PIEZO1: variants seen among roughly 807,000 people sequenced by gnomAD.
PIEZO1 encodes the protein piezo type mechanosensitive ion channel component 1 (Er blood group), also known as piezo-type mechanosensitive ion channel component 1.
A neutral mutation model predicts 297.2 loss-of-function variants in PIEZO1; 296 were observed. That is an observed-to-expected ratio of 1.00 (90% CI 0.91 to 1.10). The LOEUF (loss-of-function observed/expected upper bound fraction) is 1.10. PIEZO1 is among the 50% of genes least tolerant of loss of function. The pLI, the probability that PIEZO1 is intolerant of heterozygous loss-of-function variation, is 0.00. For missense variants in PIEZO1, 5,018 were observed against 3,455.5 expected (o/e 1.45, Z -11.34); for synonymous variants, 2,427 against 1,507.5 (o/e 1.61, Z -14.13).
rs181039199 is a variant in PIEZO1 at position 88,752,267 on chromosome 16, G to C, written c.65-2788C>G. On this transcript the variant is annotated intron_variant, in intron 1 of 50. Coordinates refer to ENST00000301015, the MANE Select transcript of PIEZO1 (RefSeq NM_001142864.4). ...GGAGGCCAAGGCAGGCGGATCACTTGAGCCCAGGAGTTCGAGACCAGACCA... is the reference window on the plus strand; with the variant it reads ...GGAGGCCAAGGCAGGCGGATCACTTCAGCCCAGGAGTTCGAGACCAGACCA... Among the ~76,000 whole-genome samples the C allele has an allele frequency of 8.9e-3, 1,355 of 152,302 alleles. 8 individuals are homozygous for C. The highest frequency in any genetic ancestry group is 0.014 in the Middle Eastern group (4 of 294).
At chr16:88,746,896 C>A (rs1158523626) in intron 2 of PIEZO1, among the ~76,000 whole-genome samples, 1 of 152,230 alleles carries the variant, frequency 6.6e-6, no homozygotes, top group East Asian at 1.9e-4. Context: ...ACAGAACCGG[C>A]TCCACAGAGC....
chr16:88,773,194 TG>T (rs911224897), intron 1 of PIEZO1, among the ~76,000 whole-genome samples: 11 of 152,230 alleles, frequency 7.2e-5, no homozygotes, highest in African/African-American at 2.4e-4. Context: ...CCTCCCCCTC[TG>T]GCCCCCCAGT....
intron 1 of PIEZO1, among the ~76,000 whole-genome samples, chr16:88,778,692 A>C (rs1458366908): frequency 6.6e-6 from 1 of 152,198 alleles, no homozygotes; most frequent in Non-Finnish European, 1.5e-5. Flanking sequence ...ACCCGCACAC[A>C]GGAAGGGTCC....
At chr16:88,779,769 C>T (rs985682475) in intron 1 of PIEZO1, among the ~76,000 whole-genome samples, 3 of 152,240 alleles carry the variant, frequency 2.0e-5, no homozygotes, top group African/African-American at 4.8e-5. Context: ...CGGGACCAGG[C>T]GGTGAGTGGC....
chr16:88,775,881 G>A (rs1198226084), intron 1 of PIEZO1, among the ~76,000 whole-genome samples: 5 of 152,310 alleles, frequency 3.3e-5, no homozygotes, highest in African/African-American at 1.2e-4. Context: ...TGGGAGACTT[G>A]AGGAGACTCC....
intron 2 of PIEZO1, among the ~76,000 whole-genome samples, chr16:88,746,872 G>A (rs1597469540): frequency 6.6e-6 from 1 of 152,330 alleles, no homozygotes; most frequent in East Asian, 1.9e-4. Context: ...GAAACGCCAG[G>A]GGCCTGGGAA....
chr16:88,748,692 A>C (rs555753386), intron 2 of PIEZO1, among the ~76,000 whole-genome samples: 57 of 152,184 alleles, frequency 3.7e-4, no homozygotes, highest in African/African-American at 1.3e-3. Flanking sequence ...CTCCACCCCC[A>C]TGACCCTCCT....
At chr16:88,719,465 C>A (rs2142758291) in intron 44 of PIEZO1, 109 bp downstream of exon 44, 1 of 1,083,652 alleles carries the variant, frequency 9.2e-7, no homozygotes, top group African/African-American at 1.6e-5. Context: ...GGGCTCCGAG[C>A]CCTGGGAGGG....
In PIEZO1 at chr16:88,731,872, G is replaced by A. The variant is rs1416883000; in HGVS notation, c.3030C>T (p.Arg1010=). 4 of 1,164,684 alleles carry A rather than the reference G, an allele frequency of 3.4e-6. No individual in the cohort carries two copies. The highest frequency in any genetic ancestry group is 4.3e-6 in the Non-Finnish European group (4 of 925,942). 72.1% of individuals were successfully genotyped at this position (1,164,684 alleles called of 1,614,324 possible). Residue 1010 remains arginine, a synonymous_variant, in exon 22 of 51, where the codon CGC becomes CGT. Transcript: ENST00000301015. ...CGTGCAGGGTCACCAGAAAGTTCATGCGCTGCCCGATCACGTTCACGGCCA... is the reference window on the plus strand; with the variant it reads ...CGTGCAGGGTCACCAGAAAGTTCATACGCTGCCCGATCACGTTCACGGCCA... ...FLMAVNVIGQ[R]MNFLVTLHGC...
intron 30 of PIEZO1, 112 bp from the exon 31 acceptor site, chr16:88,724,083 C>G (rs1265753103): frequency 1.6e-5 from 11 of 676,286 alleles, no homozygotes; most frequent in African/African-American, 1.2e-4. Flanking sequence ...TGCGGAGTAG[C>G]CGGGAGCAGT....
chr16:88,734,388 C>T lies in PIEZO1; in HGVS notation c.2148G>A (p.Leu716=). Residue 716 remains leucine, a synonymous_variant, in exon 16 of 51, where the codon CTG becomes CTA. Transcript: ENST00000301015. ...MQLTDMEHVS[L]PGTRLPRWAH... is the part of the protein sequence containing the mutation. ...CCCAGCGCGGGAGGCGCGTGCCAGG[C>T]AGGGACACGTGCTCCATGTCGGTGA... 3 of 1,546,566 alleles carry T rather than the reference C, an allele frequency of 1.9e-6. No individual in the cohort carries two copies. Among genetic ancestry groups the T allele is most frequent in the Non-Finnish European group, 2.6e-6 (3 of 1,144,810 alleles).
chr16:88,728,206 TGGGAGCGGCCGGGGCCTGCTGGGGA>T (rs1904591448), intron 22 of PIEZO1, among the ~76,000 whole-genome samples: 1 of 152,026 alleles, frequency 6.6e-6, no homozygotes, highest in Non-Finnish European at 1.5e-5. Context: ...GTGCTGGGGA[TGGGAGCGGCCGGGGCCTGCTGGGGA>T]GGGAGCCGTG....
At chr16:88,727,402 G>T (rs1289674929) in intron 23 of PIEZO1, among the ~76,000 whole-genome samples, 155 bp downstream of exon 23, 2 of 148,810 alleles carry the variant, frequency 1.3e-5, no homozygotes, top group Non-Finnish European at 2.9e-5. Flanking sequence ...GCTGAGGTCT[G>T]CGTGCGTGCG....
chr16:88,720,980 C>T lies in PIEZO1; in HGVS notation c.5668+186G>A, dbSNP rs8059794. The stretch of plus-strand genomic sequence containing the variant: ...TCACCCTACACGTGGGGAGCATCCC[C>T]GGGGGCAGCAGTCAGGGACGGCTCT... On this transcript the variant is annotated intron_variant, in intron 39 of 50. Coordinates refer to ENST00000301015, the MANE Select transcript of PIEZO1 (RefSeq NM_001142864.4). Among the ~76,000 whole-genome samples the T allele has an allele frequency of 0.87, 131,813 of 152,190 alleles. 57,137 individuals are homozygous for T. Among genetic ancestry groups the T allele is most frequent in the Middle Eastern group, 0.9 (262 of 292 alleles).
intron 2 of PIEZO1, among the ~76,000 whole-genome samples, chr16:88,746,936 G>C (rs1906091354): frequency 6.6e-6 from 1 of 152,222 alleles, no homozygotes; most frequent in African/African-American, 2.4e-5. Flanking sequence ...GGGACCGGGA[G>C]TGGGGGTGCC....
chr16:88,735,412 C>T (rs1285025364), intron 12 of PIEZO1, among the ~76,000 whole-genome samples, 166 bp from the exon 13 acceptor site: 2 of 152,242 alleles, frequency 1.3e-5, no homozygotes, highest in African/African-American at 2.4e-5. Context: ...CTCGCTCACA[C>T]CCACTCAGAG....
Position 88,753,863 on chromosome 16 carries a change from C to A in PIEZO1, c.65-4384G>T, listed in dbSNP as rs867500719. 2.6e-5 allele frequency among the ~76,000 whole-genome samples: 4 copies of A among 152,272 alleles called. No individual in the cohort carries two copies. The South Asian group carries it at 8.3e-4, about 32-fold the overall frequency. On this transcript the variant is annotated intron_variant, in intron 1 of 50. Coordinates refer to ENST00000301015, the MANE Select transcript of PIEZO1 (RefSeq NM_001142864.4). ...AGACTGGCTCCAACTCAGGGCAGGT[C>A]GGAAGCTTCGCAGATCAGGCTCAGG...
Position 88,716,884 on chromosome 16 carries a change from C to A in PIEZO1, c.6675G>T (p.Met2225Ile). 1.3e-6 allele frequency: 2 copies of A among 1,549,920 alleles called. No individual in the cohort carries two copies. The highest frequency in any genetic ancestry group is 1.7e-6 in the Non-Finnish European group (2 of 1,146,940). Reference protein sequence around the residue: ...KLGGYEPLFTMSAQQPSIIPF... With the variant: ...KLGGYEPLFTISAQQPSIIPF... ...GGATGATGGACGGCTGCTGGGCGCT[C>A]ATGGTGAACAGCGGCTGGGGCAGGC... is the stretch of plus-strand genomic sequence containing the variant. The change falls in exon 46 of 51, where the codon ATG becomes ATT. Residue 2225 changes from methionine to isoleucine, a missense_variant. Physicochemically the swap from Met to Ile is conservative, Grantham distance 10 (BLOSUM62 1). Transcript: ENST00000301015.
At chr16:88,716,781 C>T in intron 46 of PIEZO1, 25 bp downstream of exon 46, 1 of 1,549,584 alleles carries the variant, frequency 6.5e-7, no homozygotes, top group African/African-American at 1.4e-5. Context: ...CCCACACCAG[C>T]TTTCACAGGG....
Sources: gnomAD v4.1 joint callset for allele counts (sites outside exome capture counted in the v4.1 genomes callset) on GRCh38, gnomAD v4.1.1 for gene constraint, MANE v1.5 for transcripts, NCBI Gene and HGNC (gene_info 2026-07-23, HGNC 2026-07-21) for gene names.